DCTN4: variants seen among roughly 807,000 people sequenced by gnomAD.
DCTN4 encodes dynactin subunit 4.
In DCTN4, 23 loss-of-function variants were observed where a neutral mutation model predicts 62.7. The observed-to-expected ratio is 0.37, with a 90% CI of 0.26 to 0.52. The LOEUF (loss-of-function observed/expected upper bound fraction) is 0.52, where lower values mean the gene tolerates loss of function less well. Ranked by LOEUF, DCTN4 falls within the 20% of genes least tolerant of loss-of-function variation. The pLI is 0.92. For synonymous variants in DCTN4, 199 were observed against 202.1 expected (o/e 0.98, Z 0.13); for missense variants, 514 against 580.4 (o/e 0.89, Z 1.18).
intron 1 of DCTN4, chr5:150,758,011 C>A: frequency 3.3e-6 from 3 of 911,616 alleles, no homozygotes; most frequent in Non-Finnish European, 3.9e-6. Context: ...ACATAAAGCA[C>A]ATGACATATA....
At chr5:150,738,859 C>G (rs1176437912) in intron 4 of DCTN4, among the ~76,000 whole-genome samples, 1 of 152,090 alleles carries the variant, frequency 6.6e-6, no homozygotes, top group African/African-American at 2.4e-5. Flanking sequence ...GCCTAGAAAA[C>G]CCTAGAGACT....
intron 3 of DCTN4, among the ~76,000 whole-genome samples, chr5:150,747,631 T>A (rs1752506193): frequency 6.6e-6 from 1 of 151,938 alleles, no homozygotes; most frequent in African/African-American, 2.4e-5. Context: ...TCAGAAATAA[T>A]GCCGCATATC....
intron 4 of DCTN4, among the ~76,000 whole-genome samples, chr5:150,738,619 T>C (rs948053800): frequency 6.6e-6 from 1 of 151,982 alleles, no homozygotes; most frequent in African/African-American, 2.4e-5. Context: ...ATGCCTTAAG[T>C]AAAAGCCATC....
At chr5:150,727,400 T>C (rs933556583) in intron 8 of DCTN4, among the ~76,000 whole-genome samples, 7 of 152,176 alleles carry the variant, frequency 4.6e-5, no homozygotes, top group Non-Finnish European at 8.8e-5. Context: ...ACAGTAATAG[T>C]ATAACATACT....
chr5:150,741,164 C>CAAAAAAAAAAAAAAAAAA, intron 4 of DCTN4, among the ~76,000 whole-genome samples: 1 of 58,352 alleles, frequency 1.7e-5, no homozygotes, highest in African/African-American at 5.4e-5. Context: ...GATCCTGTCT[C>CAAAAAAAAAAAAAAAAAA]AAAAAAAAAA....
At chr5:150,739,577 A>C (rs1760699443) in intron 4 of DCTN4, among the ~76,000 whole-genome samples, 3 of 152,308 alleles carry the variant, frequency 2.0e-5, no homozygotes, top group South Asian at 4.1e-4. Context: ...TAGTAAAAAC[A>C]ATCCTAAAAT....
At chr5:150,749,374 G>C (rs1752587091) in intron 3 of DCTN4, among the ~76,000 whole-genome samples, 1 of 152,156 alleles carries the variant, frequency 6.6e-6, no homozygotes, top group Non-Finnish European at 1.5e-5. Flanking sequence ...ATGAGAAAAT[G>C]CAAATTAAAA....
chr5:150,758,248 GT>G (rs1752934556), intron 1 of DCTN4: 1 of 985,564 alleles, frequency 1.0e-6, no homozygotes, highest in Non-Finnish European at 1.2e-6. Context: ...ACGCCCACTT[GT>G]GCCAGGGAAG....
At chr5:150,733,827 C>T (rs375795615) in intron 4 of DCTN4, 1 of 166,154 alleles carries the variant, frequency 6.0e-6, no homozygotes, top group Non-Finnish European at 1.3e-5. Context: ...ATTTTATTCC[C>T]CAACTCCATC....
intron 12 of DCTN4, among the ~76,000 whole-genome samples, chr5:150,711,804 G>A (rs1014221166): frequency 6.6e-6 from 1 of 152,084 alleles, no homozygotes; most frequent in Non-Finnish European, 1.5e-5. Flanking sequence ...ACGGGCATAA[G>A]CCAACACGTT....
chr5:150,715,503 A>T (rs1759720982), intron 12 of DCTN4, 62 bp downstream of exon 12: 1 of 1,289,852 alleles, frequency 7.8e-7, no homozygotes. Flanking sequence ...AGAAAACTGG[A>T]TATAAGTGGG....
chr5:150,730,872 T>C (rs753376523), intron 7 of DCTN4, 132 bp from the exon 8 acceptor site: 76 of 884,398 alleles, frequency 8.6e-5, no homozygotes, highest in African/African-American at 1.4e-4. Context: ...ATATAGAAAG[T>C]TGACATTTTA....
rs942559272 is a variant in DCTN4 at position 150,731,805 on chromosome 5, C to T, written c.538-316G>A. ...AGAACTATGTGGAGTGTCTAAGATA[C>T]ACAACAGACGTCTTCCTGGAACACC... On this transcript the variant is annotated intron_variant, in intron 5 of 12. Coordinates refer to ENST00000447998, the MANE Select transcript of DCTN4 (RefSeq NM_016221.4). The T allele has an allele frequency of 1.4e-5, 19 of 1,320,862 alleles. No individual in the cohort carries two copies. In the African/African-American group the frequency reaches 1.8e-4, roughly 12 times the overall value. The allele number at this position is 1,320,862 out of a possible 1,614,324, so 81.8% of individuals were successfully genotyped here.
intron 5 of DCTN4, 129 bp from the exon 6 acceptor site, chr5:150,731,618 G>A: frequency 1.4e-6 from 1 of 733,862 alleles, no homozygotes; most frequent in East Asian, 2.7e-5. Context: ...TAATCTAAAG[G>A]CTTCTTTTAA....
In DCTN4 at chr5:150,718,342, G is replaced by A; in HGVS notation, c.1005C>T (p.Asn335=). The A allele has an allele frequency of 6.2e-7, 1 of 1,614,058 alleles. No individual in the cohort carries two copies. Among genetic ancestry groups the A allele is most frequent in the Non-Finnish European group, 8.5e-7 (1 of 1,179,968 alleles). ...ACTCGAAGAGAGTCACATGGGTGAG[G>A]TTCTCAACTGGATTTGTAAGAGTCA... ...VLLTLTNPVE[N]LTHVTLFECE... Residue 335 remains asparagine (N), a synonymous_variant, in exon 11 of 13, where the codon AAC becomes AAT. Transcript: ENST00000447998.
At chr5:150,737,620 A>G (rs1233797305) in intron 4 of DCTN4, among the ~76,000 whole-genome samples, 1 of 152,210 alleles carries the variant, frequency 6.6e-6, no homozygotes, top group Non-Finnish European at 1.5e-5. Flanking sequence ...CAGCAAAAGC[A>G]GTGCTAAGAA....
chr5:150,731,458 C>G lies in DCTN4; in HGVS notation c.569G>C (p.Arg190Pro), dbSNP rs1421480619. The G allele has an allele frequency of 1.2e-6, 2 of 1,613,698 alleles. No individual in the cohort carries two copies. The highest frequency in any genetic ancestry group is 1.3e-5 in the African/African-American group (1 of 74,908). ...ACTGATGGATGCACCAGCTCGTGGTCGCTGAAGCCTGGTTCCAAGACCATA... is the reference window on the plus strand; with the variant it reads ...ACTGATGGATGCACCAGCTCGTGGTGGCTGAAGCCTGGTTCCAAGACCATA... ...DKYGLGTRLQRPRAGASISTL... is the reference protein window; with the variant it reads ...DKYGLGTRLQPPRAGASISTL... The change falls in exon 6 of 13, where the codon CGA (arginine) becomes CCA (proline). Residue 190 changes from arginine (R) to proline (P), a missense_variant. Physicochemically the swap from Arg to Pro is moderately radical, Grantham distance 103. Transcript: ENST00000447998.
At chr5:150,745,692 C>T (rs901734880) in intron 3 of DCTN4, among the ~76,000 whole-genome samples, 2 of 152,138 alleles carry the variant, frequency 1.3e-5, no homozygotes, top group Non-Finnish European at 2.9e-5. Flanking sequence ...TGAATGACTG[C>T]TGGGTATATA....
chr5:150,758,659 T>G (rs1027540814), intron 1 of DCTN4, 200 bp downstream of exon 1: 3 of 1,244,526 alleles, frequency 2.4e-6, no homozygotes, highest in East Asian at 5.5e-5. Flanking sequence ...AACCAGAAGA[T>G]CCGCTCAGTC....
Sources: gnomAD v4.1 joint callset for allele counts (sites outside exome capture counted in the v4.1 genomes callset) on GRCh38, gnomAD v4.1.1 for gene constraint, MANE v1.5 for transcripts, NCBI Gene and HGNC (gene_info 2026-07-23, HGNC 2026-07-21) for gene names.